PAK1: variants seen among roughly 807,000 people sequenced by gnomAD.
The protein encoded by PAK1 is serine/threonine-protein kinase PAK 1.
In PAK1, 29 loss-of-function variants were observed where a neutral mutation model predicts 67.4. The observed-to-expected ratio is 0.43, with a 90% CI of 0.32 to 0.59. The LOEUF (loss-of-function observed/expected upper bound fraction) is 0.59, where lower values mean the gene tolerates loss of function less well. PAK1 is among the 20% of genes least tolerant of loss of function. The pLI, the probability that PAK1 is intolerant of heterozygous loss-of-function variation, is 0.07. For synonymous variants in PAK1, 223 were observed against 237.4 expected, an observed-to-expected ratio of 0.94 and a Z score of 0.56; for missense variants, 337 against 670.7, an observed-to-expected ratio of 0.50 and a Z score of 5.50.
Position 77,340,777 on chromosome 11 carries a change from G to A in PAK1, c.999-14C>T, listed in dbSNP as rs761228478. The A allele has an allele frequency of 7.7e-7, 1 of 1,306,976 alleles. No individual in the cohort carries two copies. The highest frequency in any genetic ancestry group is 1.2e-5 in the South Asian group (1 of 85,230). 81.0% of individuals were successfully genotyped at this position (1,306,976 alleles called of 1,614,324 possible). ...CCCACGAGGTAACTGCAGGAATACA[G>A]ATAAAGGGTGAGAGAGAACAATCAG... On this transcript the variant is annotated splice_polypyrimidine_tract_variant and intron_variant, in intron 10 of 14. Transcript: ENST00000356341.
chr11:77,373,078 C>A (rs553259264), intron 5 of PAK1, among the ~76,000 whole-genome samples: 1 of 152,280 alleles, frequency 6.6e-6, no homozygotes, highest in East Asian at 1.9e-4. Context: ...AGGTCTTCAA[C>A]CTCAAGACTG....
At chr11:77,438,506 C>G (rs1956225339) in intron 1 of PAK1, among the ~76,000 whole-genome samples, 1 of 152,120 alleles carries the variant, frequency 6.6e-6, no homozygotes, top group Non-Finnish European at 1.5e-5. Context: ...TGGATGGAGC[C>G]CTTTACCTTC....
intron 11 of PAK1, among the ~76,000 whole-genome samples, chr11:77,339,189 T>C (rs1376531571): frequency 6.6e-6 from 1 of 152,152 alleles, no homozygotes; most frequent in Non-Finnish European, 1.5e-5. Flanking sequence ...TTGATCCATA[T>C]AGCACCCCTA....
At chr11:77,467,956 T>A (rs1957674637) in intron 1 of PAK1, among the ~76,000 whole-genome samples, 1 of 152,164 alleles carries the variant, frequency 6.6e-6, no homozygotes, top group Admixed American at 6.5e-5. Context: ...TTTGTGGGAA[T>A]CCAGGAGGAA....
At chr11:77,388,921 T>C (rs1415903339) in intron 2 of PAK1, among the ~76,000 whole-genome samples, 1 of 152,230 alleles carries the variant, frequency 6.6e-6, no homozygotes, top group Non-Finnish European at 1.5e-5. Context: ...ATCAGCTTTA[T>C]TGAGATGTAA....
chr11:77,406,699 G>A (rs763700689), intron 1 of PAK1, among the ~76,000 whole-genome samples: 1 of 152,146 alleles, frequency 6.6e-6, no homozygotes, highest in Non-Finnish European at 1.5e-5. Flanking sequence ...GATTGCTTGA[G>A]CCAAAAGGTC....
At chr11:77,520,208 T>A in the PAK1 span, among the ~76,000 whole-genome samples, 1 of 152,216 alleles carries the variant, frequency 6.6e-6, no homozygotes, top group African/African-American at 2.4e-5. Context: ...TCCATCTTAC[T>A]GCATTAGAAT....
rs568805067 is a variant in PAK1 at position 77,378,208 on chromosome 11, T to C, written c.439+1033A>G. Among the ~76,000 whole-genome samples, 115 of 152,294 alleles carry C rather than the reference T, an allele frequency of 7.6e-4. 1 individual carries two copies. Among genetic ancestry groups the C allele is most frequent in the Admixed American group, 4.6e-3 (70 of 15,298 alleles). On this transcript the variant is annotated intron_variant, in intron 4 of 14. Coordinates refer to ENST00000356341, the MANE Select transcript of PAK1 (RefSeq NM_002576.5). ...GCATATTAGAAAGGCCTTCTTTGGT[T>C]CTCACACCTGCAAAACAATGGAAAG...
At chr11:77,354,014 G>T (rs1250539387) in intron 7 of PAK1, among the ~76,000 whole-genome samples, 2 of 151,906 alleles carry the variant, frequency 1.3e-5, no homozygotes, top group Admixed American at 1.3e-4. Context: ...TAATTGCTGT[G>T]ATAAAAGCCA....
At chr11:77,421,994 TCAC>T (rs1955289315) in intron 1 of PAK1, among the ~76,000 whole-genome samples, 1 of 152,190 alleles carries the variant, frequency 6.6e-6, no homozygotes, top group African/African-American at 2.4e-5. Context: ...AGCTTAAATG[TCAC>T]CACTTCTATG....
chr11:77,443,829 G>T (rs1956470740), intron 1 of PAK1, among the ~76,000 whole-genome samples: 1 of 152,146 alleles, frequency 6.6e-6, no homozygotes. Context: ...GATTCAGAAG[G>T]TGAGAATTCT....
intron 1 of PAK1, among the ~76,000 whole-genome samples, chr11:77,456,559 G>A (rs973234188): frequency 2.6e-5 from 4 of 152,098 alleles, no homozygotes; most frequent in Non-Finnish European, 4.4e-5. Context: ...TTTGAGGGCA[G>A]GGCTATAAAT....
intron 1 of PAK1, among the ~76,000 whole-genome samples, chr11:77,449,800 A>G (rs1464180050): frequency 6.6e-6 from 1 of 151,668 alleles, no homozygotes; most frequent in Non-Finnish European, 1.5e-5. Flanking sequence ...CCCCTATTCT[A>G]TCTAGGACTT....
At chr11:77,375,723 G>C (rs1461447328) in intron 4 of PAK1, among the ~76,000 whole-genome samples, 1 of 152,168 alleles carries the variant, frequency 6.6e-6, no homozygotes, top group African/African-American at 2.4e-5. Context: ...TAAGTTTAAA[G>C]ACCAGGTAAT....
rs142183219 is a variant in PAK1 at position 77,444,286 on chromosome 11, T to TAAA, written c.-22+29263_-22+29265dup. ...CCAGGTACGTAAACCTGGAGAGCTCTAAAAAAAAAAAAAAAAAAACCCGAC... is the reference window on the plus strand; with the variant it reads ...CCAGGTACGTAAACCTGGAGAGCTCTAAAAAAAAAAAAAAAAAAAAAACCCGAC... On this transcript the variant is annotated intron_variant, in intron 1 of 14. Transcript: ENST00000356341. Among the ~76,000 whole-genome samples the TAAA allele has an allele frequency of 1.7e-4, 20 of 116,770 alleles. 4 individuals are homozygous for TAAA. The highest frequency in any genetic ancestry group is 1.8e-4 in the Admixed American group (2 of 10,870). The allele number at this position is 116,770 out of a possible 152,430, so 76.6% of individuals were successfully genotyped here.
chr11:77,379,469 T>C (rs1813824308), intron 3 of PAK1, 81 bp from the exon 4 acceptor site: 2 of 1,340,234 alleles, frequency 1.5e-6, no homozygotes, highest in Non-Finnish European at 2.1e-6. Context: ...ACTTTGACAC[T>C]TGCTAGCAGC....
chr11:77,518,940 C>T, the PAK1 span, among the ~76,000 whole-genome samples: 4 of 152,052 alleles, frequency 2.6e-5, no homozygotes, highest in Non-Finnish European at 4.4e-5. Flanking sequence ...TAGAATTGTG[C>T]CATATTTGCT....
intron 1 of PAK1, among the ~76,000 whole-genome samples, chr11:77,449,372 C>A (rs1179481932): frequency 2.0e-5 from 3 of 152,186 alleles, no homozygotes; most frequent in Non-Finnish European, 4.4e-5. Context: ...ACATCAGAGG[C>A]ATCAACTATC....
the PAK1 span, among the ~76,000 whole-genome samples, chr11:77,515,622 T>C: frequency 1.3e-5 from 2 of 152,192 alleles, no homozygotes; most frequent in Non-Finnish European, 2.9e-5. Flanking sequence ...TCATTCCTTA[T>C]CCAAAGGCCT....
Sources: gnomAD v4.1 joint callset for allele counts (sites outside exome capture counted in the v4.1 genomes callset) on GRCh38, gnomAD v4.1.1 for gene constraint, MANE v1.5 for transcripts, NCBI Gene and HGNC (gene_info 2026-07-23, HGNC 2026-07-21) for gene names.